The following FOXJ3 variants were observed in gnomAD, a reference collection of about 807,000 sequenced individuals.
FOXJ3 encodes the protein forkhead box protein J3.
Under a neutral mutation model 76.1 loss-of-function variants are expected in FOXJ3, and 22 were observed. That is an observed-to-expected ratio of 0.29 (90% CI 0.21 to 0.41). The LOEUF (loss-of-function observed/expected upper bound fraction) is 0.41, where lower values mean the gene tolerates loss of function less well. Among genes scored for constraint, FOXJ3 ranks in the 10% least tolerant of loss-of-function variants. FOXJ3 has a pLI of 1.00. For synonymous variants in FOXJ3, 269 were observed against 261.2 expected, an observed-to-expected ratio of 1.03 and a Z score of -0.29; for missense variants, 613 against 762.1, an observed-to-expected ratio of 0.80 and a Z score of 2.30.
At chr1:42,258,789 G>A (rs1046311222) in intron 4 of FOXJ3, among the ~76,000 whole-genome samples, 1 of 152,082 alleles carries the variant, frequency 6.6e-6, no homozygotes, top group Admixed American at 6.6e-5. Flanking sequence ...TTAAATCATA[G>A]TGCCAATCAA....
intron 3 of FOXJ3, among the ~76,000 whole-genome samples, chr1:42,274,310 A>C (rs538234092): frequency 1.3e-5 from 2 of 152,358 alleles, no homozygotes; most frequent in South Asian, 4.1e-4. Flanking sequence ...CCACTGAAAC[A>C]TTCTGTTAGG....
intron 1 of FOXJ3, among the ~76,000 whole-genome samples, chr1:42,312,335 G>C (rs1654863220): frequency 6.6e-6 from 1 of 152,160 alleles, no homozygotes; most frequent in Non-Finnish European, 1.5e-5. Flanking sequence ...TGAGCTTACA[G>C]GTATAAGCGA....
At chr1:42,231,231 C>T (rs1240637496) in intron 4 of FOXJ3, among the ~76,000 whole-genome samples, 1 of 151,976 alleles carries the variant, frequency 6.6e-6, no homozygotes, top group Non-Finnish European at 1.5e-5. Context: ...GAGGCTGAGG[C>T]AGGAGAATGG....
intron 3 of FOXJ3, among the ~76,000 whole-genome samples, chr1:42,266,242 C>T (rs1651456017): frequency 6.6e-6 from 1 of 151,998 alleles, no homozygotes; most frequent in Non-Finnish European, 1.5e-5. Flanking sequence ...AAGATGACTA[C>T]AGAATATAAA....
intron 2 of FOXJ3, among the ~76,000 whole-genome samples, chr1:42,305,057 A>G (rs538694580): frequency 1.3e-5 from 2 of 152,348 alleles, no homozygotes; most frequent in Non-Finnish European, 2.9e-5. Context: ...AGAAAGTTTA[A>G]TAAGCTGATT....
intron 4 of FOXJ3, among the ~76,000 whole-genome samples, chr1:42,242,533 G>A (rs998018075): frequency 3.4e-5 from 5 of 147,178 alleles, no homozygotes; most frequent in Admixed American, 2.7e-4. Flanking sequence ...CTCAGAACTT[G>A]ATGAGAGATC....
chr1:42,302,146 A>G (rs533544476), intron 2 of FOXJ3, among the ~76,000 whole-genome samples: 1 of 152,314 alleles, frequency 6.6e-6, no homozygotes, highest in African/African-American at 2.4e-5. Context: ...GCACGTGAGC[A>G]GGCTTACTGC....
intron 4 of FOXJ3, among the ~76,000 whole-genome samples, chr1:42,234,911 C>G (rs1648476131): frequency 6.6e-6 from 1 of 152,120 alleles, no homozygotes; most frequent in African/African-American, 2.4e-5. Context: ...GCTGGGAGAA[C>G]CACTACTCTC....
Position 42,199,228 on chromosome 1 carries a change from T to A in FOXJ3, c.633A>T (p.Val211=), listed in dbSNP as rs1164674972. 10 of 1,610,044 alleles carry A rather than the reference T, an allele frequency of 6.2e-6. No homozygotes were observed. Among genetic ancestry groups the A allele is most frequent in the Non-Finnish European group, 8.5e-6 (10 of 1,177,456 alleles). The change falls in exon 7 of 13, where the codon GTA becomes GTT. Residue 211 remains valine, a splice_region_variant and synonymous_variant. Coordinates refer to ENST00000361346, the MANE Select transcript of FOXJ3 (RefSeq NM_014947.5). ...TLAINTVTNK[V]TLYNTDQDGS... ...CATCCTGATCAGTGTTATACAATGTTACCTAAAATGAAAAAAGAAAAATGA... is the reference window on the plus strand; with the variant it reads ...CATCCTGATCAGTGTTATACAATGTAACCTAAAATGAAAAAAGAAAAATGA...
intron 9 of FOXJ3, among the ~76,000 whole-genome samples, chr1:42,190,111 A>C (rs1646513382): frequency 6.6e-6 from 1 of 152,246 alleles, no homozygotes; most frequent in African/African-American, 2.4e-5. Flanking sequence ...GAAGAGTTTA[A>C]GACTCCATAA....
At chr1:42,278,786 T>G in intron 2 of FOXJ3, 114 bp from the exon 3 acceptor site, 1 of 722,714 alleles carries the variant, frequency 1.4e-6, no homozygotes, top group Non-Finnish European at 2.3e-6. Context: ...GAGTTACATC[T>G]GGAGGAAAAA....
intron 1 of FOXJ3, among the ~76,000 whole-genome samples, chr1:42,322,980 G>A (rs1293481728): frequency 6.6e-6 from 1 of 152,050 alleles, no homozygotes; most frequent in East Asian, 1.9e-4. Context: ...CCTATGGAGG[G>A]AAACATGTTC....
intron 2 of FOXJ3, among the ~76,000 whole-genome samples, chr1:42,299,778 C>T (rs943784296): frequency 2.6e-5 from 4 of 151,952 alleles, no homozygotes; most frequent in Admixed American, 2.6e-4. Flanking sequence ...TGTGGTGGTA[C>T]ACACCAGTAA....
intron 7 of FOXJ3, among the ~76,000 whole-genome samples, chr1:42,197,680 A>AG (rs1405742869): frequency 6.6e-6 from 1 of 151,816 alleles, no homozygotes; most frequent in African/African-American, 2.4e-5. Flanking sequence ...TTAAAAAAAA[A>AG]AAAGAAAGAA....
At chr1:42,236,704 C>T (rs1648663883) in intron 4 of FOXJ3, among the ~76,000 whole-genome samples, 1 of 152,180 alleles carries the variant, frequency 6.6e-6, no homozygotes, top group Non-Finnish European at 1.5e-5. Context: ...ACCACTGATT[C>T]CTATCATTGT....
intron 11 of FOXJ3, among the ~76,000 whole-genome samples, chr1:42,187,590 C>T (rs2124166497): frequency 6.6e-6 from 1 of 152,052 alleles, no homozygotes; most frequent in Admixed American, 6.5e-5. Flanking sequence ...AAGAAGGGCA[C>T]ATAAGTGAGG....
intron 4 of FOXJ3, among the ~76,000 whole-genome samples, chr1:42,261,024 T>C: frequency 6.6e-6 from 1 of 152,276 alleles, no homozygotes; most frequent in Non-Finnish European, 1.5e-5. Context: ...ATCATTTCTC[T>C]GAACTGAAGA....
chr1:42,256,532 TCACACC>T (rs1650600107), intron 4 of FOXJ3, among the ~76,000 whole-genome samples: 1 of 11,396 alleles, frequency 8.8e-5, no homozygotes, highest in Non-Finnish European at 2.4e-4. Flanking sequence ...AAATACCACT[TCACACC>T]TTCACACCCA....
chr1:42,247,501 T>C (rs887948895), intron 4 of FOXJ3, among the ~76,000 whole-genome samples: 1 of 152,188 alleles, frequency 6.6e-6, no homozygotes, highest in African/African-American at 2.4e-5. Flanking sequence ...AAAGGAGATG[T>C]ACAAATGGTC....
Sources: allele counts gnomAD v4.1 joint callset (sites outside exome capture counted in the v4.1 genomes callset), GRCh38; gene constraint gnomAD v4.1.1; transcripts MANE v1.5; gene names NCBI Gene and HGNC (gene_info 2026-07-23, HGNC 2026-07-21).